Variants in COPG1 observed in about 807,000 individuals in gnomAD.
The protein encoded by COPG1 is coat protein complex I subunit gamma 1, also known as coatomer subunit gamma-1.
A neutral mutation model predicts 102.8 loss-of-function variants in COPG1; 29 were observed. The observed-to-expected ratio is 0.28, with a 90% CI of 0.21 to 0.38. The LOEUF (loss-of-function observed/expected upper bound fraction) is 0.38, where lower values mean the gene tolerates loss of function less well. Among genes scored for constraint, COPG1 ranks in the 10% least tolerant of loss-of-function variants. The probability of loss-of-function intolerance (pLI) is 1.00; values close to 1 mark genes in which losing one functional copy is unlikely to be tolerated. For missense variants in COPG1, 875 were observed against 1,132.7 expected (o/e 0.77, Z 3.27); for synonymous variants, 406 against 421.6 (o/e 0.96, Z 0.45).
intron 10 of COPG1, among the ~76,000 whole-genome samples, chr3:129,258,566 T>C (rs1274956558): frequency 2.6e-5 from 4 of 152,220 alleles, no homozygotes; most frequent in Non-Finnish European, 5.9e-5. Flanking sequence ...CAAGCGATTC[T>C]CCTGCCTGAG....
In COPG1 at chr3:129,267,437, C is replaced by T. The variant is rs148193959; in HGVS notation, c.1544+338C>T. 2.7e-3 allele frequency among the ~76,000 whole-genome samples: 412 copies of T among 152,226 alleles called. 4 individuals are homozygous for T. The highest frequency in any genetic ancestry group is 2.9e-3 in the South Asian group (14 of 4,824). On this transcript the variant is annotated intron_variant, in intron 15 of 23. Transcript: ENST00000314797. ...GAGATTGAGACCGTCCTGGCTAACA[C>T]GCTGAAACCCCGTCTCTACTACAAA...
intron 10 of COPG1, among the ~76,000 whole-genome samples, chr3:129,259,460 C>CAAAAAAAAAA (rs781019383): frequency 2.1e-5 from 1 of 47,562 alleles, no homozygotes; most frequent in Admixed American, 2.3e-4. Context: ...GACTCTATCT[C>CAAAAAAAAAA]AAAAAAAAAA....
chr3:129,259,002 T>C (rs950851664), intron 10 of COPG1, among the ~76,000 whole-genome samples: 1 of 152,174 alleles, frequency 6.6e-6, no homozygotes. Context: ...AACAGGCCCA[T>C]GGAAAGCAAA....
chr3:129,251,217 C>T (rs1016483762), intron 2 of COPG1, among the ~76,000 whole-genome samples: 1 of 151,574 alleles, frequency 6.6e-6, no homozygotes, highest in African/African-American at 2.4e-5. Flanking sequence ...GCCACCGCGC[C>T]TGGCCTCTCT....
chr3:129,270,048 G>A (rs1421975568), intron 18 of COPG1, among the ~76,000 whole-genome samples: 1 of 143,528 alleles, frequency 7.0e-6, no homozygotes, highest in Admixed American at 6.8e-5. Flanking sequence ...CACACTCCTG[G>A]CCTTTTCAAA....
chr3:129,262,291 T>C (rs1165156738), intron 12 of COPG1, among the ~76,000 whole-genome samples: 1 of 151,316 alleles, frequency 6.6e-6, no homozygotes, highest in Non-Finnish European at 1.5e-5. Flanking sequence ...CTCGCTCTGT[T>C]GCTCAGGCTG....
At chr3:129,272,549 A>G (rs894759263) in intron 20 of COPG1, 134 bp downstream of exon 20, 1 of 779,542 alleles carries the variant, frequency 1.3e-6, no homozygotes, top group African/African-American at 1.8e-5. Flanking sequence ...GAAGAAGAAT[A>G]GCTGAGTCCC....
intron 4 of COPG1, 69 bp downstream of exon 4, chr3:129,252,763 A>G: frequency 6.5e-7 from 1 of 1,543,022 alleles, no homozygotes; most frequent in Non-Finnish European, 8.9e-7. Flanking sequence ...GGCCAAAGAG[A>G]GCTGGCCCCA....
intron 12 of COPG1, 69 bp from the exon 13 acceptor site, chr3:129,263,835 C>A: frequency 7.6e-7 from 1 of 1,308,422 alleles, no homozygotes; most frequent in Non-Finnish European, 1.1e-6. Flanking sequence ...ACTCAGTGGG[C>A]ACTCAGGGAA....
intron 13 of COPG1, among the ~76,000 whole-genome samples, chr3:129,264,999 T>C (rs553230023): frequency 1.4e-4 from 21 of 152,008 alleles, no homozygotes; most frequent in African/African-American, 5.1e-4. Context: ...TTTTTTATAT[T>C]TAGTAGAGAC....
rs1469265702 is a variant in COPG1, at chr3:129,256,463, G to A, written c.579+309G>A. On this transcript the variant is annotated intron_variant, in intron 8 of 23. Transcript: ENST00000314797. ...ACTTGGCCAAGGCAGGCAGAGGGCC[G>A]CCTAAATTTAGGCCTTTGCCAGCCT... 2.0e-5 allele frequency among the ~76,000 whole-genome samples: 3 copies of A among 152,242 alleles called. No homozygotes were observed. In the South Asian group the frequency reaches 6.2e-4, roughly 32 times the overall value.
intron 2 of COPG1, among the ~76,000 whole-genome samples, chr3:129,251,582 G>A (rs111923293): frequency 1.5e-4 from 22 of 151,186 alleles, no homozygotes; most frequent in Non-Finnish European, 2.8e-4. Context: ...GAGGTTTCAC[G>A]ATGTTGGCCA....
At chr3:129,252,563 T>C in intron 3 of COPG1, 60 bp from the exon 4 acceptor site, 1 of 1,427,190 alleles carries the variant, frequency 7.0e-7, no homozygotes, top group Non-Finnish European at 9.9e-7. Flanking sequence ...GGGCTGATCC[T>C]GAAAGAACTG....
Position 129,260,450 on chromosome 3 carries a change from G to T in COPG1, c.939+50G>T, listed in dbSNP as rs1939904971. On this transcript the variant is annotated intron_variant, in intron 11 of 23. Transcript: ENST00000314797. ...AGGAAGCTGTCTGATCCAACTGGAGGTGTGTCCTAGCCTCTGACCTGGCTG... is the reference window on the plus strand; with the variant it reads ...AGGAAGCTGTCTGATCCAACTGGAGTTGTGTCCTAGCCTCTGACCTGGCTG... 9 of 1,583,238 alleles carry T rather than the reference G, an allele frequency of 5.7e-6. No homozygotes were observed. The South Asian group carries it at 7.8e-5, about 14-fold the overall frequency.
At chr3:129,252,490 C>T (rs1049700117) in intron 3 of COPG1, 129 bp downstream of exon 3, 2 of 1,005,798 alleles carry the variant, frequency 2.0e-6, no homozygotes, top group Non-Finnish European at 3.1e-6. Context: ...AGCTCTGGGT[C>T]CCCTCAGCAT....
At chr3:129,268,447 C>T (rs759607704) in intron 16 of COPG1, 48 bp from the exon 17 acceptor site, 86 of 1,602,572 alleles carry the variant, frequency 5.4e-5, no homozygotes, top group Non-Finnish European at 7.1e-5. Context: ...GTCCCTGGTG[C>T]ACATTTTGCT....
chr3:129,261,991 CAAT>C (rs1939934884), intron 12 of COPG1, among the ~76,000 whole-genome samples: 1 of 152,134 alleles, frequency 6.6e-6, no homozygotes, highest in African/African-American at 2.4e-5. Flanking sequence ...TCAGAGCAAA[CAAT>C]AATATGAATA....
intron 4 of COPG1, 88 bp from the exon 5 acceptor site, chr3:129,252,788 C>A: frequency 1.3e-6 from 2 of 1,544,560 alleles, no homozygotes; most frequent in Non-Finnish European, 1.8e-6. Flanking sequence ...TCAGTGTGGG[C>A]TGCCTTTGTG....
At position 129,272,561 on chromosome 3, in the gene COPG1, A is replaced by G; in HGVS notation, c.2158+146A>G. 9.4e-6 allele frequency: 7 copies of G among 747,252 alleles called. 1 individual carries two copies. The South Asian group carries it at 1.3e-4, about 14-fold the overall frequency. 46.3% of individuals were successfully genotyped at this position (747,252 alleles called of 1,614,324 possible). On this transcript the variant is annotated intron_variant, in intron 20 of 23. Transcript: ENST00000314797. ...CAAGAAGAAGAATAGCTGAGTCCCA[A>G]GTGCTCTTCTTTAAAAATTTTTTTT... is the stretch of plus-strand genomic sequence containing the variant.
Sources: gnomAD v4.1 joint callset for allele counts (sites outside exome capture counted in the v4.1 genomes callset) on GRCh38, gnomAD v4.1.1 for gene constraint, MANE v1.5 for transcripts, NCBI Gene and HGNC (gene_info 2026-07-23, HGNC 2026-07-21) for gene names.